The following PTPRD variants were observed in gnomAD, a reference collection of about 807,000 sequenced individuals.
PTPRD encodes receptor-type tyrosine-protein phosphatase delta.
A neutral mutation model predicts 214.5 loss-of-function variants in PTPRD; 34 were observed. That is an observed-to-expected ratio of 0.16 (90% CI 0.12 to 0.21). The LOEUF (loss-of-function observed/expected upper bound fraction) is 0.21. Among genes scored for constraint, PTPRD ranks in the 10% least tolerant of loss-of-function variants. The pLI is 1.00. For missense variants in PTPRD, 2,545 were observed against 2,398.7 expected (o/e 1.06, Z -1.27); for synonymous variants, 1,128 against 845.7 (o/e 1.33, Z -5.79).
chr9:9,431,150 C>T (rs1288143074), intron 8 of PTPRD, among the ~76,000 whole-genome samples: 2 of 152,132 alleles, frequency 1.3e-5, no homozygotes, highest in South Asian at 2.1e-4. Context: ...TTGCAATCTA[C>T]CCATCTGACA....
chr9:8,673,457 T>C (rs542552522), intron 12 of PTPRD, among the ~76,000 whole-genome samples: 2 of 152,250 alleles, frequency 1.3e-5, no homozygotes, highest in African/African-American at 4.8e-5. Context: ...ACAGTAGTAA[T>C]AGCATATACT....
At chr9:9,936,958 A>G (rs1206156620) in intron 5 of PTPRD, among the ~76,000 whole-genome samples, 1 of 151,038 alleles carries the variant, frequency 6.6e-6, no homozygotes, top group Non-Finnish European at 1.5e-5. Context: ...CATCATTCTC[A>G]GTAAACTATC....
chr9:9,410,450 T>C (rs2075031754), intron 8 of PTPRD, among the ~76,000 whole-genome samples: 2 of 152,208 alleles, frequency 1.3e-5, no homozygotes. Context: ...ATTGGATCCT[T>C]TCCATGTCTC....
At chr9:9,490,799 G>C (rs1410445412) in intron 8 of PTPRD, among the ~76,000 whole-genome samples, 1 of 151,754 alleles carries the variant, frequency 6.6e-6, no homozygotes, top group African/African-American at 2.4e-5. Context: ...AGTGATGCAG[G>C]AAATGAGGGA....
At chr9:10,162,422 AT>A (rs1169793617) in intron 3 of PTPRD, among the ~76,000 whole-genome samples, 1 of 151,158 alleles carries the variant, frequency 6.6e-6, no homozygotes, top group Non-Finnish European at 1.5e-5. Context: ...ATATCATTAT[AT>A]TAAGTGAGAT....
In PTPRD at chr9:9,802,716, A is replaced by C. The variant is rs557724417; in HGVS notation, c.-367-35865T>G. 1.8e-4 allele frequency among the ~76,000 whole-genome samples: 27 copies of C among 151,932 alleles called. No homozygotes were observed. In the South Asian group the frequency reaches 3.9e-3, roughly 22 times the overall value. ...AGGACCTAGCTTATAGTTGGAGCTC[A>C]ATAAATGCTTGTTGAATGAATACAC... On this transcript the variant is annotated intron_variant, in intron 5 of 45. Transcript: ENST00000381196.
At chr9:9,723,756 A>G (rs2098017247) in intron 7 of PTPRD, among the ~76,000 whole-genome samples, 1 of 152,044 alleles carries the variant, frequency 6.6e-6, no homozygotes, top group African/African-American at 2.4e-5. Context: ...ATTCTTAAGT[A>G]TTTTACTTGA....
At chr9:9,255,726 T>C (rs548141997) in intron 9 of PTPRD, among the ~76,000 whole-genome samples, 8 of 152,204 alleles carry the variant, frequency 5.3e-5, no homozygotes, top group East Asian at 1.9e-4. Context: ...GGAATCATGA[T>C]GATTGATCGC....
chr9:9,901,181 A>G (rs1260287451), intron 5 of PTPRD, among the ~76,000 whole-genome samples: 2 of 152,124 alleles, frequency 1.3e-5, no homozygotes, highest in African/African-American at 2.4e-5. Context: ...AACCATCCCA[A>G]TTATATGTCT....
rs561495129 is a variant in PTPRD at position 9,428,861 on chromosome 9, C to A, written c.-236-31379G>T. 1.4e-4 allele frequency among the ~76,000 whole-genome samples: 21 copies of A among 152,248 alleles called. 1 individual carries two copies. The highest frequency in any genetic ancestry group is 1.2e-3 in the South Asian group (6 of 4,824). ...AGATGTTCTTTGAAACCAGTGAAAA[C>A]AAAGACACAACATACAAGTATCTCT... On this transcript the variant is annotated intron_variant, in intron 8 of 45. Transcript: ENST00000381196.
intron 3 of PTPRD, among the ~76,000 whole-genome samples, chr9:10,067,133 G>C (rs1293552450): frequency 1.3e-5 from 2 of 151,902 alleles, no homozygotes; most frequent in African/African-American, 2.4e-5. Context: ...TGGGATTGCA[G>C]TGCTTGGCAT....
At chr9:9,438,486 C>G (rs1360019730) in intron 8 of PTPRD, among the ~76,000 whole-genome samples, 1 of 152,118 alleles carries the variant, frequency 6.6e-6, no homozygotes, top group Non-Finnish European at 1.5e-5. Context: ...CTCCACTTTA[C>G]TGCTATGAAA....
chr9:10,126,678 T>G (rs1438252054), intron 3 of PTPRD, among the ~76,000 whole-genome samples: 1 of 152,178 alleles, frequency 6.6e-6, no homozygotes, highest in Non-Finnish European at 1.5e-5. Context: ...TTATAACATG[T>G]TCAGGAAAAA....
At chr9:10,611,460 T>C (rs954936701) in intron 2 of PTPRD, among the ~76,000 whole-genome samples, 5 of 152,226 alleles carry the variant, frequency 3.3e-5, no homozygotes, top group Non-Finnish European at 7.3e-5. Flanking sequence ...TATTTAGATA[T>C]TACAAAATAT....
intron 2 of PTPRD, among the ~76,000 whole-genome samples, chr9:10,492,951 A>G (rs754221919): frequency 1.3e-5 from 2 of 152,158 alleles, no homozygotes; most frequent in African/African-American, 2.4e-5. Context: ...ATTCCTACAC[A>G]CAAATAATAG....
chr9:10,177,449 TA>T (rs35075915), intron 3 of PTPRD, among the ~76,000 whole-genome samples: 22,502 of 136,608 alleles, frequency 0.16, 2,324 homozygotes, highest in African/African-American at 0.32. Context: ...TAAAATGTTG[TA>T]AAAAAAAAAA....
At chr9:8,832,114 G>A (rs936452380) in intron 11 of PTPRD, among the ~76,000 whole-genome samples, 107 of 124,648 alleles carry the variant, frequency 8.6e-4, no homozygotes, top group African/African-American at 3.2e-3. Context: ...ATGTGTGTGT[G>A]TGTGTGTGTG....
At chr9:10,253,723 T>C (rs1046673218) in intron 3 of PTPRD, among the ~76,000 whole-genome samples, 1 of 152,188 alleles carries the variant, frequency 6.6e-6, no homozygotes, top group Non-Finnish European at 1.5e-5. Flanking sequence ...GTTTACTGCA[T>C]TAAATACATT....
In PTPRD at chr9:8,317,154, AAAAATGTGCAAATTTTCAAATGATTT is replaced by A. The variant is rs1822484074; in HGVS notation, c.*694_*719del. ...TGATACTGTAGATTGAGTTTTGCAC[AAAAATGTGCAAATTTTCAAATGATTT>A]GATATTTCTACAGCAAGATATTACA... On this transcript the variant is annotated 3_prime_UTR_variant, in exon 46 of 46. Coordinates refer to ENST00000381196, the MANE Select transcript of PTPRD (RefSeq NM_002839.4). The A allele has an allele frequency of 8.6e-6, 2 of 231,936 alleles. No homozygotes were observed. Among genetic ancestry groups the A allele is most frequent in the African/African-American group, 4.4e-5 (2 of 45,268 alleles). 14.4% of individuals were successfully genotyped at this position (231,936 alleles called of 1,614,324 possible). A position where few individuals can be genotyped will look rare whatever the true frequency, so the allele number is the denominator to read the frequency against.
Sources: gnomAD v4.1 joint callset for allele counts (sites outside exome capture counted in the v4.1 genomes callset) on GRCh38, gnomAD v4.1.1 for gene constraint, MANE v1.5 for transcripts, NCBI Gene and HGNC (gene_info 2026-07-23, HGNC 2026-07-21) for gene names.